Variants in PSME3IP1 observed in about 807,000 individuals in gnomAD.
PSME3IP1 encodes the protein PSME3-interacting protein.
PSME3IP1 carries 13 observed loss-of-function variants against 34.1 expected under a neutral mutation model. The observed-to-expected ratio is 0.38, with a 90% CI of 0.25 to 0.61. The LOEUF is 0.61. PSME3IP1 is among the 20% of genes least tolerant of loss of function. PSME3IP1 has a pLI of 0.60. For missense variants in PSME3IP1, 237 were observed against 301.4 expected, an observed-to-expected ratio of 0.79 and a Z score of 1.58; for synonymous variants, 93 against 114.3, an observed-to-expected ratio of 0.81 and a Z score of 1.19.
intron 6 of PSME3IP1, among the ~76,000 whole-genome samples, chr16:57,157,844 T>C (rs1433526064): frequency 6.6e-6 from 1 of 152,166 alleles, no homozygotes; most frequent in African/African-American, 2.4e-5. Context: ...AATACAAAAA[T>C]TCAAAGAACA....
chr16:57,170,796 G>C (rs537103530), intron 4 of PSME3IP1, among the ~76,000 whole-genome samples: 44 of 152,272 alleles, frequency 2.9e-4, no homozygotes, highest in Non-Finnish European at 4.4e-4. Flanking sequence ...TTACTTGCTG[G>C]GTGCGGTGGC....
chr16:57,156,198 T>C (rs921048339), intron 6 of PSME3IP1, among the ~76,000 whole-genome samples: 1 of 152,254 alleles, frequency 6.6e-6, no homozygotes, highest in Non-Finnish European at 1.5e-5. Context: ...GGTTGTAGGT[T>C]GCTTAGGGCA....
intron 6 of PSME3IP1, among the ~76,000 whole-genome samples, chr16:57,159,236 G>A (rs1274888665): frequency 6.6e-6 from 1 of 152,166 alleles, no homozygotes; most frequent in Non-Finnish European, 1.5e-5. Flanking sequence ...CAATTATCTA[G>A]GAGGTTTCAA....
At chr16:57,185,470 G>C (rs184215178) in intron 1 of PSME3IP1, 7 of 973,046 alleles carry the variant, frequency 7.2e-6, no homozygotes, top group Admixed American at 6.1e-5. Context: ...CCGCACATCC[G>C]AGTGAGTAAC....
chr16:57,157,300 G>A (rs1294335943), intron 6 of PSME3IP1, among the ~76,000 whole-genome samples: 5 of 136,280 alleles, frequency 3.7e-5, no homozygotes, highest in Non-Finnish European at 6.1e-5. Flanking sequence ...GTGACAGAGC[G>A]AGAACCTATC....
Position 57,154,223 on chromosome 16 carries a change from G to A in PSME3IP1, c.*67C>T. ...GGAGTTTTTTTTTGAGGGACATAAT[G>A]CCTATAGGCAGCATGAACGGTCCGA... On this transcript the variant is annotated 3_prime_UTR_variant, in exon 7 of 7. Transcript: ENST00000309137. This position sits in a 1 kb window ranked among gnomAD's most constrained non-coding sequence, Gnocchi z 4.0. 7.3e-7 allele frequency: 1 copy of A among 1,361,044 alleles called. No homozygotes were observed. The highest frequency in any genetic ancestry group is 1.4e-5 in the African/African-American group (1 of 69,904). The allele number at this position is 1,361,044 out of a possible 1,614,324, so 84.3% of individuals were successfully genotyped here.
At chr16:57,158,849 T>C (rs1278289781) in intron 6 of PSME3IP1, among the ~76,000 whole-genome samples, 2 of 152,240 alleles carry the variant, frequency 1.3e-5, no homozygotes, top group Non-Finnish European at 2.9e-5. Context: ...CTATTGCTCC[T>C]AGGCTACAAA....
intron 1 of PSME3IP1, 171 bp from the exon 2 acceptor site, chr16:57,174,040 A>G (rs1215571297): frequency 4.8e-6 from 3 of 621,866 alleles, no homozygotes; most frequent in Non-Finnish European, 8.0e-6. Flanking sequence ...TCATGCCTGT[A>G]ATCCTGGCAC....
rs912546777 is a variant in PSME3IP1, at chr16:57,172,505, T to C, written c.227-133A>G. On this transcript the variant is annotated intron_variant, in intron 3 of 6. Coordinates refer to ENST00000309137, the MANE Select transcript of PSME3IP1 (RefSeq NM_024946.4). ...AAAGAACTGGTAAATACCATGGCGTTTGAATAGATAACAGGGCATAAAAAA... is the reference window on the plus strand; with the variant it reads ...AAAGAACTGGTAAATACCATGGCGTCTGAATAGATAACAGGGCATAAAAAA... The C allele has an allele frequency of 8.7e-5, 85 of 982,226 alleles. No homozygotes were observed. In the African/African-American group the frequency reaches 1.2e-3, roughly 13 times the overall value. 60.8% of individuals were successfully genotyped at this position (982,226 alleles called of 1,614,324 possible). A position where few individuals can be genotyped will look rare whatever the true frequency, so the allele number is the denominator to read the frequency against.
intron 6 of PSME3IP1, among the ~76,000 whole-genome samples, chr16:57,163,164 C>CA (rs201643897): frequency 0.037 from 5,546 of 148,558 alleles, 106 homozygotes; most frequent in Middle Eastern, 0.11. Context: ...GACTCCATCT[C>CA]AAAAAAAAGA....
At chr16:57,166,452 C>G (rs1337828523) in intron 5 of PSME3IP1, among the ~76,000 whole-genome samples, 1 of 152,214 alleles carries the variant, frequency 6.6e-6, no homozygotes, top group Admixed American at 6.5e-5. Flanking sequence ...GGACAGGATG[C>G]CTTTGCAGCA....
chr16:57,177,699 G>C (rs2145907544), intron 1 of PSME3IP1, among the ~76,000 whole-genome samples: 1 of 152,228 alleles, frequency 6.6e-6, no homozygotes, highest in African/African-American at 2.4e-5. Context: ...ACTTACAAAA[G>C]TCTGCTCTTT....
chr16:57,163,213 T>C (rs1290004060), intron 6 of PSME3IP1, among the ~76,000 whole-genome samples: 2 of 151,938 alleles, frequency 1.3e-5, no homozygotes, highest in Non-Finnish European at 2.9e-5. Context: ...TAAGGAGAAC[T>C]AGATGGAAGA....
In PSME3IP1 at chr16:57,154,345, G is replaced by A; in HGVS notation, c.710C>T (p.Thr237Ile). ...SSDSEGTINATGKIVSSIFRT... is the reference protein window; with the variant it reads ...SSDSEGTINAIGKIVSSIFRT... ...GAAGATGGAGGAGACAATCTTTCCG[G>A]TGGCATTGATGGTGCCTTCGCTGTC... The change falls in exon 7 of 7, where the codon ACC becomes ATC. Residue 237 changes from threonine to isoleucine, a missense_variant. Coordinates refer to ENST00000309137, the MANE Select transcript of PSME3IP1 (RefSeq NM_024946.4). This position sits in a 1 kb window ranked among gnomAD's most constrained non-coding sequence, Gnocchi z 4.0. The A allele has an allele frequency of 6.2e-7, 1 of 1,614,116 alleles. No homozygotes were observed. The highest frequency in any genetic ancestry group is 2.2e-5 in the East Asian group (1 of 44,872).
intron 6 of PSME3IP1, among the ~76,000 whole-genome samples, chr16:57,159,268 C>G (rs1461542218): frequency 6.6e-6 from 1 of 152,162 alleles, no homozygotes; most frequent in Non-Finnish European, 1.5e-5. Flanking sequence ...GATTGCAAAT[C>G]TGACAAATTT....
At chr16:57,178,322 C>T in intron 1 of PSME3IP1, among the ~76,000 whole-genome samples, 1 of 152,302 alleles carries the variant, frequency 6.6e-6, no homozygotes, top group Non-Finnish European at 1.5e-5. Context: ...TCCAAGACCT[C>T]CTAGAGTAGT....
At position 57,154,589 on chromosome 16, in the gene PSME3IP1, C is replaced by T; in HGVS notation, c.548-82G>A. The T allele has an allele frequency of 8.2e-7, 1 of 1,223,806 alleles. No individual in the cohort carries two copies. The highest frequency in any genetic ancestry group is 2.5e-5 in the East Asian group (1 of 39,218). The allele number at this position is 1,223,806 out of a possible 1,614,324, so 75.8% of individuals were successfully genotyped here. On this transcript the variant is annotated intron_variant, in intron 6 of 6. Transcript: ENST00000309137. The surrounding 1 kb of genome is among the most constrained non-coding windows in gnomAD (Gnocchi z 4.0). ...GACTTACCATGTGCCAGGCACTGTA[C>T]CAAGGGATTTTCCCACAGAGGAGCC...
chr16:57,172,683 T>A (rs2072725361), intron 3 of PSME3IP1, 93 bp downstream of exon 3: 7 of 1,001,742 alleles, frequency 7.0e-6, no homozygotes, highest in Admixed American at 1.7e-5. Context: ...TCAAGACAAT[T>A]CCACGGCTAG....
At chr16:57,174,357 T>C in intron 1 of PSME3IP1, 1 of 783,046 alleles carries the variant, frequency 1.3e-6, no homozygotes. Context: ...CATGAATACA[T>C]TTTTCCTGAC....
Sources: gnomAD v4.1 joint callset for allele counts (sites outside exome capture counted in the v4.1 genomes callset) on GRCh38, gnomAD v4.1.1 for gene constraint, Gnocchi (gnomAD v3.1) non-coding constraint, MANE v1.5 for transcripts, NCBI Gene and HGNC (gene_info 2026-07-23, HGNC 2026-07-21) for gene names.